Variants in LRRK2 observed in about 807,000 individuals in gnomAD.
The protein encoded by LRRK2 is leucine-rich repeat serine/threonine-protein kinase 2.
A neutral mutation model predicts 302.6 loss-of-function variants in LRRK2; 203 were observed. The observed-to-expected ratio is 0.67, with a 90% CI of 0.60 to 0.75. The LOEUF is 0.75. Among genes scored for constraint, LRRK2 ranks in the 30% least tolerant of loss-of-function variants. The pLI, the probability that LRRK2 is intolerant of heterozygous loss-of-function variation, is 0.00. For missense variants in LRRK2, 2,830 were observed against 2,951.0 expected, an observed-to-expected ratio of 0.96 and a Z score of 0.95; for synonymous variants, 1,066 against 1,031.9, an observed-to-expected ratio of 1.03 and a Z score of -0.63.
In LRRK2 at chr12:40,312,004, T is replaced by C. The variant is rs755132739; in HGVS notation, c.4536+1355T>C. Among the ~76,000 whole-genome samples, 10 of 152,124 alleles carry C rather than the reference T, an allele frequency of 6.6e-5. 1 individual carries two copies. Among genetic ancestry groups the C allele is most frequent in the Non-Finnish European group, 1.2e-4 (8 of 68,022 alleles). The stretch of plus-strand genomic sequence containing the variant: ...GACTATACCCATACTTCAATAACTT[T>C]GTTGTTACTGAGAATATTTTGAGTT... On this transcript the variant is annotated intron_variant, in intron 31 of 50. Transcript: ENST00000298910.
chr12:40,345,976 A>G (rs1055901957), intron 41 of LRRK2, among the ~76,000 whole-genome samples: 3 of 152,174 alleles, frequency 2.0e-5, no homozygotes, highest in African/African-American at 7.2e-5. Context: ...ATCATCTTAG[A>G]AAGTGATCCC....
intron 6 of LRRK2, 46 bp from the exon 7 acceptor site, chr12:40,243,504 G>A: frequency 6.2e-7 from 1 of 1,602,832 alleles, no homozygotes; most frequent in Non-Finnish European, 8.5e-7. Context: ...TATTTGAAAG[G>A]AGAACATGGT....
At chr12:40,261,393 C>T (rs889310493) in intron 13 of LRRK2, among the ~76,000 whole-genome samples, 26 of 152,068 alleles carry the variant, frequency 1.7e-4, no homozygotes, top group African/African-American at 5.8e-4. Flanking sequence ...TGTTCTTAAA[C>T]TGATCCTGAA....
chr12:40,285,719 A>G (rs1943898465), intron 19 of LRRK2, among the ~76,000 whole-genome samples: 1 of 152,034 alleles, frequency 6.6e-6, no homozygotes, highest in Non-Finnish European at 1.5e-5. Flanking sequence ...AAATAATGGT[A>G]CATACATGTT....
At position 40,299,149 on chromosome 12, in the gene LRRK2, G is replaced by T. The variant is rs1944524196; in HGVS notation, c.3388G>T (p.Glu1130Ter). The change falls in exon 25 of 51, where the codon GAA (glutamate) becomes TAA (stop). Residue 1130 changes from glutamate to a stop codon, truncating the protein, a stop_gained. Transcript: ENST00000298910. LOFTEE classifies it high-confidence loss of function. ...GATATGCTCCCCCTTGAGACTGAAGGAACTGAAGATTTTAAACCTTAGTAA... is the reference window on the plus strand; with the variant it reads ...GATATGCTCCCCCTTGAGACTGAAGTAACTGAAGATTTTAAACCTTAGTAA... ...SGICSPLRLK[E>*]LKILNLSKNH... is the part of the protein sequence containing the mutation. 6.2e-7 allele frequency: 1 copy of T among 1,613,180 alleles called. No homozygotes were observed. The highest frequency in any genetic ancestry group is 8.5e-7 in the Non-Finnish European group (1 of 1,179,680).
rs777266103 is a variant in LRRK2 at position 40,314,053 on chromosome 12, A to T, written c.4618A>T (p.Asn1540Tyr). ...LEKIILSERK[N>Y]VPIEFPVIDR... Reference sequence around the variant, plus strand: ...AAAAATCATTTTATCGGAGCGTAAAAATGTGCCAATTGAATTTCCCGTAAT... The same window carrying T: ...AAAAATCATTTTATCGGAGCGTAAATATGTGCCAATTGAATTTCCCGTAAT... Residue 1540 changes from asparagine to tyrosine, a missense_variant, in exon 32 of 51, where the codon AAT becomes TAT. Coordinates refer to ENST00000298910, the MANE Select transcript of LRRK2 (RefSeq NM_198578.4). 1 of 1,612,624 alleles carries T rather than the reference A, an allele frequency of 6.2e-7. No homozygotes were observed. Among genetic ancestry groups the T allele is most frequent in the Non-Finnish European group, 8.5e-7 (1 of 1,178,994 alleles).
chr12:40,342,790 G>A (rs905831135), intron 41 of LRRK2, among the ~76,000 whole-genome samples: 1 of 152,172 alleles, frequency 6.6e-6, no homozygotes, highest in Non-Finnish European at 1.5e-5. Context: ...AACAAAAGAC[G>A]ATGGATTTGT....
At chr12:40,313,311 C>A (rs12427245) in intron 31 of LRRK2, among the ~76,000 whole-genome samples, 5,031 of 151,902 alleles carry the variant, frequency 0.033, 234 homozygotes, top group South Asian at 0.12. Flanking sequence ...TTAAAAAAAT[C>A]TTATTTTATA....
chr12:40,294,973 G>A, intron 22 of LRRK2, 59 bp downstream of exon 22: 1 of 1,032,986 alleles, frequency 9.7e-7, no homozygotes, highest in Non-Finnish European at 1.5e-6. Context: ...GCAGTGTTTG[G>A]TTGAATTTCC....
intron 6 of LRRK2, among the ~76,000 whole-genome samples, chr12:40,241,591 C>T (rs73106345): frequency 0.012 from 1,799 of 152,184 alleles, 48 homozygotes; most frequent in African/African-American, 0.038. Context: ...TATTTTCATC[C>T]TCACACATGT....
intron 47 of LRRK2, among the ~76,000 whole-genome samples, chr12:40,362,201 A>G (rs983485064): frequency 2.6e-5 from 4 of 152,056 alleles, no homozygotes; most frequent in African/African-American, 9.7e-5. Context: ...CCAAGAAGGA[A>G]TTACCTAAAG....
intron 47 of LRRK2, among the ~76,000 whole-genome samples, chr12:40,359,868 T>C (rs1946653714): frequency 6.6e-6 from 1 of 152,176 alleles, no homozygotes; most frequent in South Asian, 2.1e-4. Context: ...GTATTCTTGC[T>C]TGTCCAAAGT....
chr12:40,259,541 C>T lies in LRRK2; in HGVS notation c.1480C>T (p.His494Tyr). 1 of 1,613,340 alleles carries T rather than the reference C, an allele frequency of 6.2e-7. No individual in the cohort carries two copies. Residue 494 changes from histidine to tyrosine, a missense_variant, in exon 13 of 51, where the codon CAT (histidine) becomes TAT (tyrosine). By Grantham distance (83) the His-to-Tyr change is moderately conservative. Coordinates refer to ENST00000298910, the MANE Select transcript of LRRK2 (RefSeq NM_198578.4). ...VPKILTVMKR[H>Y]ETSLPVQLEA... is the part of the protein sequence containing the mutation. Reference sequence around the variant, plus strand: ...CAAAATACTAACAGTTATGAAACGTCATGAGACATCATTACCAGTGCAGCT... The same window carrying T: ...CAAAATACTAACAGTTATGAAACGTTATGAGACATCATTACCAGTGCAGCT...
intron 6 of LRRK2, 42 bp from the exon 7 acceptor site, chr12:40,243,508 A>T (rs370900988): frequency 6.2e-7 from 1 of 1,604,484 alleles, no homozygotes; most frequent in African/African-American, 1.3e-5. Flanking sequence ...TGAAAGGAGA[A>T]CATGGTTACC....
intron 33 of LRRK2, among the ~76,000 whole-genome samples, chr12:40,318,231 G>A (rs758266217): frequency 1.3e-5 from 2 of 152,016 alleles, no homozygotes; most frequent in Non-Finnish European, 2.9e-5. Context: ...GATTAAAGGG[G>A]AAGGAAAAGA....
chr12:40,248,765 G>A (rs376346650), intron 7 of LRRK2, among the ~76,000 whole-genome samples: 1 of 152,192 alleles, frequency 6.6e-6, no homozygotes, highest in African/African-American at 2.4e-5. Context: ...CAGTGATTCA[G>A]TGACCGAACA....
At chr12:40,233,102 G>A (rs1241188474) in intron 3 of LRRK2, among the ~76,000 whole-genome samples, 2 of 152,270 alleles carry the variant, frequency 1.3e-5, no homozygotes, top group East Asian at 3.9e-4. Flanking sequence ...TGAGGAGGCT[G>A]AGGAAGGAGA....
At chr12:40,364,243 T>G (rs11835105) in intron 48 of LRRK2, among the ~76,000 whole-genome samples, 30,586 of 151,964 alleles carry the variant, frequency 0.2, 3,197 homozygotes, top group South Asian at 0.23. Context: ...CTTAGATTCA[T>G]CTGACAGTTT....
intron 14 of LRRK2, among the ~76,000 whole-genome samples, chr12:40,266,779 T>G (rs1167787720): frequency 2.0e-5 from 3 of 152,062 alleles, no homozygotes; most frequent in Middle Eastern, 3.4e-3. Flanking sequence ...TAGACTGGAT[T>G]AAGAAAATGT....
Sources: gnomAD v4.1 joint callset for allele counts (sites outside exome capture counted in the v4.1 genomes callset) on GRCh38, gnomAD v4.1.1 for gene constraint, MANE v1.5 for transcripts, NCBI Gene and HGNC (gene_info 2026-07-23, HGNC 2026-07-21) for gene names.